The following NUDT3 variants were observed in gnomAD, a reference collection of about 807,000 sequenced individuals.
The protein encoded by NUDT3 is diphosphoinositol polyphosphate phosphohydrolase 1.
A neutral mutation model predicts 23.6 loss-of-function variants in NUDT3; 9 were observed. That is an observed-to-expected ratio of 0.38 (90% CI 0.23 to 0.66). The LOEUF is 0.66. Ranked by LOEUF, NUDT3 falls within the 30% of genes least tolerant of loss-of-function variation. NUDT3 has a pLI of 0.52. For missense variants in NUDT3, 172 were observed against 218.5 expected (o/e 0.79, Z 1.34); for synonymous variants, 86 against 82.6 (o/e 1.04, Z -0.22).
At chr6:34,339,506 G>T (rs551712666) in intron 2 of NUDT3, among the ~76,000 whole-genome samples, 3 of 152,338 alleles carry the variant, frequency 2.0e-5, no homozygotes, top group Admixed American at 6.5e-5. Flanking sequence ...GTAGATCTGG[G>T]TTGGGGTCTG....
At chr6:34,364,721 G>T (rs1400179735) in intron 1 of NUDT3, among the ~76,000 whole-genome samples, 2 of 152,198 alleles carry the variant, frequency 1.3e-5, no homozygotes, top group African/African-American at 4.8e-5. Flanking sequence ...TGTATATAAG[G>T]TACAACAAAT....
At chr6:34,312,832 T>C (rs1216324798) in intron 2 of NUDT3, among the ~76,000 whole-genome samples, 1 of 152,184 alleles carries the variant, frequency 6.6e-6, no homozygotes, top group Non-Finnish European at 1.5e-5. Context: ...AGGATTATTA[T>C]TCGGTGCTCA....
Position 34,310,543 on chromosome 6 carries a change from T to TCCA in NUDT3, c.211-14861_211-14859dup, listed in dbSNP as rs569013994. ...GACTCTGTCTCAAATAACAACAACA[T>TCCA]CCACCACCACCACCACCACCATAAT... is the stretch of plus-strand genomic sequence containing the variant. On this transcript the variant is annotated intron_variant, in intron 2 of 4. Coordinates refer to ENST00000607016, the MANE Select transcript of NUDT3 (RefSeq NM_006703.4). Among the ~76,000 whole-genome samples, 67 of 151,074 alleles carry TCCA rather than the reference T, an allele frequency of 4.4e-4. 1 individual carries two copies. The South Asian group carries it at 7.3e-3, about 17-fold the overall frequency.
intron 2 of NUDT3, among the ~76,000 whole-genome samples, chr6:34,304,019 G>A (rs1384702556): frequency 3.3e-5 from 5 of 152,094 alleles, no homozygotes; most frequent in Non-Finnish European, 7.3e-5. Flanking sequence ...CTGGAAAGCC[G>A]AGGCAGGTGG....
intron 1 of NUDT3, among the ~76,000 whole-genome samples, chr6:34,354,440 T>TGGCCG (rs1220932915): frequency 8.7e-6 from 1 of 115,362 alleles, no homozygotes; most frequent in Non-Finnish European, 1.8e-5. Flanking sequence ...TACACACTCT[T>TGGCCG]GGCCGGGCAC....
chr6:34,358,121 T>C (rs1034545271), intron 1 of NUDT3, among the ~76,000 whole-genome samples: 1 of 152,178 alleles, frequency 6.6e-6, no homozygotes, highest in African/African-American at 2.4e-5. Flanking sequence ...TATTCTATTT[T>C]AAGTATCACA....
intron 3 of NUDT3, among the ~76,000 whole-genome samples, chr6:34,294,751 A>C (rs191857854): frequency 6.6e-6 from 1 of 151,898 alleles, no homozygotes; most frequent in African/African-American, 2.4e-5. Context: ...ATTTATTTAC[A>C]TATCTATTTT....
At position 34,353,666 on chromosome 6, in the gene NUDT3, A is replaced by G. The variant is rs1193813491; in HGVS notation, c.100-11694T>C. ...TGATCCGCCTGCCTTGGCCTCCCAA[A>G]GTGCTAGGATTACAGGCATGAGCCA... is the stretch of plus-strand genomic sequence containing the variant. On this transcript the variant is annotated intron_variant, in intron 1 of 4. Coordinates refer to ENST00000607016, the MANE Select transcript of NUDT3 (RefSeq NM_006703.4). Among the ~76,000 whole-genome samples the G allele has an allele frequency of 2.0e-5, 3 of 151,898 alleles. No homozygotes were observed. The South Asian group carries it at 6.2e-4, about 32-fold the overall frequency.
chr6:34,361,931 A>G (rs1489165063), intron 1 of NUDT3, among the ~76,000 whole-genome samples: 3 of 152,212 alleles, frequency 2.0e-5, no homozygotes, highest in South Asian at 2.1e-4. Context: ...TGGTGCATAC[A>G]TTTGTCCAAT....
At position 34,388,281 on chromosome 6, in the gene NUDT3, A is replaced by G. The variant is rs578043653; in HGVS notation, c.99+3983T>C. Among the ~76,000 whole-genome samples, 4 of 152,288 alleles carry G rather than the reference A, an allele frequency of 2.6e-5. No individual in the cohort carries two copies. The South Asian group carries it at 8.3e-4, about 32-fold the overall frequency. On this transcript the variant is annotated intron_variant, in intron 1 of 4. Coordinates refer to ENST00000607016, the MANE Select transcript of NUDT3 (RefSeq NM_006703.4). The stretch of plus-strand genomic sequence containing the variant: ...ACGTATCCCCAACGTTAAGCGACAC[A>G]TGGCTGTATTTTCATCTCTTTTTCT...
chr6:34,385,436 C>T (rs1446860449), intron 1 of NUDT3, among the ~76,000 whole-genome samples: 2 of 152,082 alleles, frequency 1.3e-5, no homozygotes, highest in East Asian at 1.9e-4. Flanking sequence ...TGTATATAAA[C>T]ATGTAGTTAT....
rs569575776 is a variant in NUDT3, at chr6:34,382,051, C to T, written c.99+10213G>A. ...TCACACCACTGCACTCCAGCCTGAG[C>T]GACAGAGCGAGACTCTATCTCAAAA... On this transcript the variant is annotated intron_variant, in intron 1 of 4. Coordinates refer to ENST00000607016, the MANE Select transcript of NUDT3 (RefSeq NM_006703.4). Among the ~76,000 whole-genome samples, 19 of 120,304 alleles carry T rather than the reference C, an allele frequency of 1.6e-4. No homozygotes were observed. In the South Asian group the frequency reaches 3.2e-3, roughly 20 times the overall value. The allele number at this position is 120,304 out of a possible 152,430, so 78.9% of individuals were successfully genotyped here.
At chr6:34,292,300 G>A (rs887358960) in intron 4 of NUDT3, among the ~76,000 whole-genome samples, 3 of 152,202 alleles carry the variant, frequency 2.0e-5, no homozygotes, top group African/African-American at 4.8e-5. Flanking sequence ...GAGGGGCATG[G>A]CGGCAAGGCA....
chr6:34,382,486 A>G (rs1765037106), intron 1 of NUDT3, among the ~76,000 whole-genome samples: 1 of 152,090 alleles, frequency 6.6e-6, no homozygotes, highest in African/African-American at 2.4e-5. Flanking sequence ...CTTAATGTAT[A>G]TTTTATTAGG....
intron 2 of NUDT3, among the ~76,000 whole-genome samples, chr6:34,323,796 T>C (rs1763981984): frequency 6.6e-6 from 1 of 152,204 alleles, no homozygotes; most frequent in Non-Finnish European, 1.5e-5. Flanking sequence ...GAAGAAGGTA[T>C]AGTGTTTATT....
rs1764462307 is a variant in NUDT3 at position 34,351,198 on chromosome 6, T to TTAAAAAAAAAAAAAAAAAAAAA, written c.100-9227_100-9226insTTTTTTTTTTTTTTTTTTTTTA. Among the ~76,000 whole-genome samples the TTAAAAAAAAAAAAAAAAAAAAA allele has an allele frequency of 2.8e-4, 5 of 17,896 alleles. 1 individual carries two copies. The highest frequency in any genetic ancestry group is 4.5e-4 in the Non-Finnish European group (4 of 8,856). 11.7% of individuals were successfully genotyped at this position (17,896 alleles called of 152,430 possible). A position where few individuals can be genotyped will look rare whatever the true frequency, so the allele number is the denominator to read the frequency against. ...GACCTCGTCTCTACACTCCCCTGCC[T>TTAAAAAAAAAAAAAAAAAAAAA]AAAAAAAAAAAAAAAAAAAAAAAAA... On this transcript the variant is annotated intron_variant, in intron 1 of 4. Coordinates refer to ENST00000607016, the MANE Select transcript of NUDT3 (RefSeq NM_006703.4).
intron 2 of NUDT3, among the ~76,000 whole-genome samples, chr6:34,305,516 T>C (rs1763667029): frequency 6.6e-6 from 1 of 152,206 alleles, no homozygotes; most frequent in African/African-American, 2.4e-5. Flanking sequence ...ACTTTTGGTT[T>C]TGTTGGTCAT....
intron 1 of NUDT3, among the ~76,000 whole-genome samples, chr6:34,382,374 G>A (rs1765034420): frequency 6.6e-6 from 1 of 152,318 alleles, no homozygotes; most frequent in South Asian, 2.1e-4. Flanking sequence ...CTACACTCCA[G>A]CCTGGGTGGC....
At chr6:34,296,850 C>G (rs1323605257) in intron 2 of NUDT3, among the ~76,000 whole-genome samples, 1 of 151,768 alleles carries the variant, frequency 6.6e-6, no homozygotes, top group African/African-American at 2.4e-5. Flanking sequence ...GGTAATTCTG[C>G]TACGGGTAAG....
Sources: allele counts gnomAD v4.1 joint callset (sites outside exome capture counted in the v4.1 genomes callset), GRCh38; gene constraint gnomAD v4.1.1; transcripts MANE v1.5; gene names NCBI Gene and HGNC (gene_info 2026-07-23, HGNC 2026-07-21).